SDK2: variants seen among roughly 807,000 people sequenced by gnomAD.
SDK2 encodes protein sidekick-2.
Under a neutral mutation model 253.9 loss-of-function variants are expected in SDK2, and 105 were observed. The ratio of observed to expected loss-of-function variants is 0.41; its 90% confidence interval spans 0.35 to 0.49. The LOEUF (loss-of-function observed/expected upper bound fraction) is 0.49. SDK2 is among the 20% of genes least tolerant of loss of function. SDK2 has a pLI of 0.06. For synonymous variants in SDK2, 1,249 were observed against 1,234.9 expected, an observed-to-expected ratio of 1.01 and a Z score of -0.24; for missense variants, 2,608 against 3,003.0, an observed-to-expected ratio of 0.87 and a Z score of 3.07.
intron 16 of SDK2, among the ~76,000 whole-genome samples, chr17:73,418,010 G>GTTTTT (rs397689294): frequency 0.064 from 8,243 of 128,050 alleles, 485 homozygotes; most frequent in Non-Finnish European, 0.083. Flanking sequence ...TCCTAGATGA[G>GTTTTT]TTTTTTTTTT....
At chr17:73,555,247 G>A (rs998962500) in intron 1 of SDK2, among the ~76,000 whole-genome samples, 3 of 152,248 alleles carry the variant, frequency 2.0e-5, no homozygotes, top group South Asian at 2.1e-4. Context: ...ATGAGCCAGC[G>A]AGGGCCTCAT....
At chr17:73,530,838 G>A (rs2064164223) in intron 1 of SDK2, among the ~76,000 whole-genome samples, 1 of 152,180 alleles carries the variant, frequency 6.6e-6, no homozygotes. Context: ...CCCCAGTAGA[G>A]CATCTAGCTA....
At chr17:73,567,889 A>C (rs1314277669) in intron 1 of SDK2, among the ~76,000 whole-genome samples, 1 of 152,244 alleles carries the variant, frequency 6.6e-6, no homozygotes, top group African/African-American at 2.4e-5. Context: ...CACATTCATA[A>C]ATTTAAAACA....
chr17:73,499,418 G>C (rs1285743293), intron 2 of SDK2, among the ~76,000 whole-genome samples: 1 of 152,234 alleles, frequency 6.6e-6, no homozygotes, highest in Admixed American at 6.5e-5. Flanking sequence ...CCAGCCTGGG[G>C]CCGGCCAGAT....
intron 43 of SDK2, 126 bp downstream of exon 43, chr17:73,350,111 T>G: frequency 1.7e-6 from 1 of 599,770 alleles, no homozygotes. Context: ...GCCCTGGGGC[T>G]TGAATGGTGT....
intron 1 of SDK2, among the ~76,000 whole-genome samples, chr17:73,619,038 G>T (rs1259198570): frequency 1.3e-5 from 2 of 151,998 alleles, no homozygotes; most frequent in Non-Finnish European, 2.9e-5. Context: ...GTGGTGGTGC[G>T]TGCCTGTAAT....
intron 1 of SDK2, among the ~76,000 whole-genome samples, chr17:73,574,022 C>T (rs1344128373): frequency 2.6e-5 from 4 of 152,224 alleles, no homozygotes; most frequent in East Asian, 1.9e-4. Context: ...TCCTGGCCTT[C>T]GTGGGCCCTG....
intron 36 of SDK2, among the ~76,000 whole-genome samples, chr17:73,375,923 C>T (rs573497887): frequency 2.4e-4 from 36 of 151,648 alleles, no homozygotes; most frequent in African/African-American, 8.5e-4. Flanking sequence ...AGGCTGGATG[C>T]GCTGGCTCAC....
intron 2 of SDK2, among the ~76,000 whole-genome samples, chr17:73,484,244 A>G (rs1392376087): frequency 2.0e-5 from 3 of 152,174 alleles, no homozygotes; most frequent in African/African-American, 7.2e-5. Flanking sequence ...AAACCAAATT[A>G]AGACAAGCTG....
In SDK2 at chr17:73,422,322, G is replaced by A. The variant is rs763374574; in HGVS notation, c.2010C>T (p.Asp670=). The A allele has an allele frequency of 2.8e-5, 45 of 1,613,926 alleles. No individual in the cohort carries two copies. Among genetic ancestry groups the A allele is most frequent in the East Asian group, 8.9e-5 (4 of 44,874 alleles). The change falls in exon 15 of 45, where the codon GAC becomes GAT. Residue 670 remains aspartate, a synonymous_variant. Coordinates refer to ENST00000392650, the MANE Select transcript of SDK2 (RefSeq NM_001144952.2). ...SYQFRLCAVN[D]VGKGQFSKDT... ...CTTTGCTGAACTGTCCTTTCCCCACGTCGTTGACGGCACAAAGACGGAACT... is the reference window on the plus strand; with the variant it reads ...CTTTGCTGAACTGTCCTTTCCCCACATCGTTGACGGCACAAAGACGGAACT...
chr17:73,640,979 T>C (rs1056124882), intron 1 of SDK2: 4 of 152,220 alleles, frequency 2.6e-5, no homozygotes, highest in African/African-American at 9.6e-5. Context: ...GTTAAAAGAC[T>C]TCCAGGCTCA....
At chr17:73,528,457 G>T (rs1454080931) in intron 1 of SDK2, among the ~76,000 whole-genome samples, 1 of 152,176 alleles carries the variant, frequency 6.6e-6, no homozygotes, top group African/African-American at 2.4e-5. Flanking sequence ...CTAATAGATG[G>T]GGAAGCAGCG....
intron 1 of SDK2, among the ~76,000 whole-genome samples, chr17:73,510,596 C>T (rs907210843): frequency 3.8e-4 from 58 of 152,112 alleles, no homozygotes; most frequent in African/African-American, 1.3e-3. Context: ...ACCTCTGGGG[C>T]GCAGGTGATC....
chr17:73,404,946 A>G (rs1204469888), intron 18 of SDK2, among the ~76,000 whole-genome samples: 1 of 151,750 alleles, frequency 6.6e-6, no homozygotes, highest in Admixed American at 6.6e-5. Context: ...TTGAACCTGA[A>G]CCCAGCTCTG....
At chr17:73,486,305 G>A (rs962641020) in intron 2 of SDK2, among the ~76,000 whole-genome samples, 1 of 152,136 alleles carries the variant, frequency 6.6e-6, no homozygotes, top group African/African-American at 2.4e-5. Flanking sequence ...CATTGGTGGT[G>A]GGAGCAGTTA....
At chr17:73,399,335 C>T in intron 21 of SDK2, 46 bp from the exon 22 acceptor site, 3 of 1,608,644 alleles carry the variant, frequency 1.9e-6, no homozygotes, top group East Asian at 2.2e-5. Context: ...GTGAGAATGG[C>T]CCCCCATGTT....
At position 73,380,966 on chromosome 17, in the gene SDK2, GCCGGGGC is replaced by G; in HGVS notation, c.4706-23_4706-17del. ...GAGTACATGGCTATGGGGTGGGGGT[GCCGGGGC>G]GGGGGCGCAGAGGGAGACAGCAGAC... On this transcript the variant is annotated splice_polypyrimidine_tract_variant and intron_variant, in intron 33 of 44. Transcript: ENST00000392650. 1.4e-6 allele frequency: 2 copies of G among 1,381,468 alleles called. No homozygotes were observed. The highest frequency in any genetic ancestry group is 2.0e-6 in the Non-Finnish European group (2 of 993,518). 85.6% of individuals were successfully genotyped at this position (1,381,468 alleles called of 1,614,324 possible).
chr17:73,621,046 C>T (rs1052480729), intron 1 of SDK2, among the ~76,000 whole-genome samples: 3 of 152,128 alleles, frequency 2.0e-5, no homozygotes, highest in African/African-American at 4.8e-5. Flanking sequence ...AGAAAAACCT[C>T]CAAGAGGAAA....
chr17:73,543,323 G>C (rs2044900916), intron 1 of SDK2, among the ~76,000 whole-genome samples: 1 of 152,068 alleles, frequency 6.6e-6, no homozygotes, highest in Non-Finnish European at 1.5e-5. Context: ...GGTGTGTGTG[G>C]GGCTGTCCTT....
Sources: gnomAD v4.1 joint callset for allele counts (sites outside exome capture counted in the v4.1 genomes callset) on GRCh38, gnomAD v4.1.1 for gene constraint, MANE v1.5 for transcripts, NCBI Gene and HGNC (gene_info 2026-07-23, HGNC 2026-07-21) for gene names.